ABCA2: variants seen among roughly 807,000 people sequenced by gnomAD.
ABCA2 encodes ATP-binding cassette sub-family A member 2.
Under a neutral mutation model 262.8 loss-of-function variants are expected in ABCA2, and 84 were observed. The ratio of observed to expected loss-of-function variants is 0.32; its 90% CI spans 0.27 to 0.38. The LOEUF (loss-of-function observed/expected upper bound fraction) is 0.38. ABCA2 is among the 10% of genes least tolerant of loss of function. The probability of loss-of-function intolerance (pLI) is 1.00; values close to 1 mark genes in which losing one functional copy is unlikely to be tolerated. For missense variants in ABCA2, 2,662 were observed against 3,405.9 expected, an observed-to-expected ratio of 0.78 and a Z score of 5.44; for synonymous variants, 1,696 against 1,502.9, an observed-to-expected ratio of 1.13 and a Z score of -2.97.
chr9:137,020,071 C>T, intron 10 of ABCA2: 1 of 509,402 alleles, frequency 2.0e-6, no homozygotes, highest in Non-Finnish European at 3.5e-6. Context: ...CCTCCTCCAC[C>T]AGCACTGCCC....
intron 13 of ABCA2, 115 bp from the exon 14 acceptor site, chr9:137,018,466 C>G (rs1831340417): frequency 3.9e-6 from 3 of 771,244 alleles, no homozygotes; most frequent in African/African-American, 5.5e-5. Context: ...ACAGGAGGGT[C>G]CAGGGAAAGG....
At position 137,011,786 on chromosome 9, in the gene ABCA2, C is replaced by T; in HGVS notation, c.5536-37G>A. On this transcript the variant is annotated intron_variant, in intron 35 of 48. Transcript: ENST00000341511. This position sits in a 1 kb window ranked among gnomAD's most constrained non-coding sequence, Gnocchi z 8.8. ...GGGGCGGCTGGTGAGAGACCCGGGG[C>T]AGGGCGGGGATGGGGGATGAGAAGG... 1 of 1,531,010 alleles carries T rather than the reference C, an allele frequency of 6.5e-7. No individual in the cohort carries two copies. Among genetic ancestry groups the T allele is most frequent in the African/African-American group, 1.4e-5 (1 of 72,026 alleles). The allele number at this position is 1,531,010 out of a possible 1,614,324, so 94.8% of individuals were successfully genotyped here.
At chr9:137,017,940 C>T in intron 15 of ABCA2, 33 bp downstream of exon 15, 1 of 1,611,974 alleles carries the variant, frequency 6.2e-7, no homozygotes. Flanking sequence ...TCAGCCCCAG[C>T]CCCAGCCCCA....
Position 137,028,220 on chromosome 9 carries a change from G to T in ABCA2, c.-80C>A. Reference sequence around the variant, plus strand: ...GCCGGGCCCCGCAGCCCGCCGCGCCGCTGGGCATCGCCCGCGCGGGGGCGG... The same window carrying T: ...GCCGGGCCCCGCAGCCCGCCGCGCCTCTGGGCATCGCCCGCGCGGGGGCGG... On this transcript the variant is annotated 5_prime_UTR_variant, in exon 1 of 49. Coordinates refer to ENST00000341511, the MANE Select transcript of ABCA2 (RefSeq NM_001606.5). The surrounding 1 kb of genome is among the most constrained non-coding windows in gnomAD (Gnocchi z 6.9). 2.0e-6 allele frequency: 2 copies of T among 978,176 alleles called. No homozygotes were observed. The highest frequency in any genetic ancestry group is 2.4e-6 in the Non-Finnish European group (2 of 827,014). 60.6% of individuals were successfully genotyped at this position (978,176 alleles called of 1,614,324 possible). A position where few individuals can be genotyped will look rare whatever the true frequency, so the allele number is the denominator to read the frequency against.
At chr9:137,010,455 C>G in intron 40 of ABCA2, 84 bp from the exon 41 acceptor site, 1 of 1,499,502 alleles carries the variant, frequency 6.7e-7, no homozygotes, top group Non-Finnish European at 9.0e-7. Context: ...CCTGCCCCAC[C>G]TCCAGAGCCC....
chr9:137,013,947 C>G lies in ABCA2; in HGVS notation c.4332G>C (p.Leu1444=). The G allele has an allele frequency of 1.2e-6, 2 of 1,612,180 alleles. No homozygotes were observed. The highest frequency in any genetic ancestry group is 1.1e-5 in the South Asian group (1 of 91,064). Residue 1444 remains leucine, a synonymous_variant, in exon 28 of 49, where the codon CTG becomes CTC. Coordinates refer to ENST00000341511, the MANE Select transcript of ABCA2 (RefSeq NM_001606.5). The part of the protein sequence containing the change: ...WLKVRQFHGL[L]VKRFHCARRN... ...GGCGGGCGCAGTGGAAGCGTTTGACCAGCAGCCCGTGGAACTGGCGCACCT... is the reference window on the plus strand; with the variant it reads ...GGCGGGCGCAGTGGAAGCGTTTGACGAGCAGCCCGTGGAACTGGCGCACCT...
chr9:137,014,641 T>G, intron 26 of ABCA2, 49 bp downstream of exon 26: 1 of 1,580,860 alleles, frequency 6.3e-7, no homozygotes, highest in Non-Finnish European at 8.6e-7. Context: ...AGGCCCGAGC[T>G]GGGGCCTTGT....
chr9:137,022,575 C>T, intron 5 of ABCA2, 97 bp from the exon 6 acceptor site: 1 of 1,562,402 alleles, frequency 6.4e-7, no homozygotes, highest in Non-Finnish European at 8.7e-7. Context: ...AGCTCTGCCA[C>T]TGCAGCCTGT....
Position 137,016,374 on chromosome 9 carries a change from GGCCA to G in ABCA2, c.3017_3020del (p.Leu1006ProfsTer2), listed in dbSNP as rs1564221658. 6.2e-7 allele frequency: 1 copy of G among 1,612,928 alleles called. No homozygotes were observed. The highest frequency in any genetic ancestry group is 8.5e-7 in the Non-Finnish European group (1 of 1,179,994). ...AGAGGTTCAGGCTCAGCTTGTTCAGGGCCAGCTTCTTGTCGTCCTTGTAGACCTT... is the reference window on the plus strand; with the variant it reads ...AGAGGTTCAGGCTCAGCTTGTTCAGGGCTTCTTGTCGTCCTTGTAGACCTT... On this transcript the variant is annotated frameshift_variant, in exon 21 of 49. Transcript: ENST00000341511. LOFTEE classifies it high-confidence loss of function.
At chr9:137,013,685 G>A in intron 28 of ABCA2, 122 bp from the exon 29 acceptor site, 1 of 1,354,662 alleles carries the variant, frequency 7.4e-7, no homozygotes, top group Non-Finnish European at 1.0e-6. Flanking sequence ...CGAGGAGACA[G>A]GACTCCCGGA....
intron 48 of ABCA2, 151 bp from the exon 49 acceptor site, chr9:137,008,115 G>T (rs1053249845): frequency 1.9e-6 from 2 of 1,037,626 alleles, no homozygotes; most frequent in Non-Finnish European, 1.4e-6. Flanking sequence ...GGGCTCTCCC[G>T]GGCCTCCGTC....
chr9:137,011,764 G>A lies in ABCA2; in HGVS notation c.5536-15C>T, dbSNP rs780432717. On this transcript the variant is annotated splice_polypyrimidine_tract_variant and intron_variant, in intron 35 of 48. Coordinates refer to ENST00000341511, the MANE Select transcript of ABCA2 (RefSeq NM_001606.5). The surrounding 1 kb of genome is among the most constrained non-coding windows in gnomAD (Gnocchi z 8.8). Reference sequence around the variant, plus strand: ...AGGTAGTTGAGCTGCAGGGGTGGGGGCGGCTGGTGAGAGACCCGGGGCAGG... The same window carrying A: ...AGGTAGTTGAGCTGCAGGGGTGGGGACGGCTGGTGAGAGACCCGGGGCAGG... The A allele has an allele frequency of 3.2e-6, 5 of 1,550,266 alleles. No individual in the cohort carries two copies. The highest frequency in any genetic ancestry group is 4.4e-6 in the Non-Finnish European group (5 of 1,147,288).
At chr9:137,022,118 A>C in intron 6 of ABCA2, 117 bp from the exon 7 acceptor site, 1 of 183,884 alleles carries the variant, frequency 5.4e-6, no homozygotes, top group Non-Finnish European at 8.5e-6. Flanking sequence ...CGTGGCTCAG[A>C]GAGTGGGGGC....
At chr9:137,025,883 A>G (rs561475165) in intron 1 of ABCA2, among the ~76,000 whole-genome samples, 14 of 152,294 alleles carry the variant, frequency 9.2e-5, no homozygotes, top group Non-Finnish European at 1.8e-4. Context: ...GCATCTGGTT[A>G]CAGGCGGCAG....
At position 137,028,213 on chromosome 9, in the gene ABCA2, C is replaced by A; in HGVS notation, c.-73G>T. On this transcript the variant is annotated 5_prime_UTR_variant, in exon 1 of 49. Transcript: ENST00000341511. The surrounding 1 kb of genome is among the most constrained non-coding windows in gnomAD (Gnocchi z 6.9). ...GCGCCCCGCCGGGCCCCGCAGCCCG[C>A]CGCGCCGCTGGGCATCGCCCGCGCG... The A allele has an allele frequency of 1.0e-6, 1 of 977,644 alleles. No homozygotes were observed. Among genetic ancestry groups the A allele is most frequent in the Non-Finnish European group, 1.2e-6 (1 of 825,598 alleles). The allele number at this position is 977,644 out of a possible 1,614,324, so 60.6% of individuals were successfully genotyped here. A position where few individuals can be genotyped will look rare whatever the true frequency, so the allele number is the denominator to read the frequency against.
intron 10 of ABCA2, 130 bp downstream of exon 10, chr9:137,020,206 C>A: frequency 8.0e-7 from 1 of 1,245,386 alleles, no homozygotes; most frequent in Middle Eastern, 2.7e-4. Context: ...GAGCCTGTGT[C>A]CCATCCGAAG....
In ABCA2 at chr9:137,018,325, C is replaced by T. The variant is rs771085790; in HGVS notation, c.1846G>A (p.Gly616Ser). ...ASVIFQTRKD[G>S]SLPPHVHYKI... ...TAGTGCACGTGAGGCGGGAGCGAGCCGTCCTTCCGGGTCTGGAAGATCACA... is the reference window on the plus strand; with the variant it reads ...TAGTGCACGTGAGGCGGGAGCGAGCTGTCCTTCCGGGTCTGGAAGATCACA... The change falls in exon 14 of 49, where the codon GGC (glycine) becomes AGC (serine). Residue 616 changes from glycine (G) to serine (S), a missense_variant. By Grantham distance (56) the Gly-to-Ser change is moderately conservative. Around this residue, in one of 12 missense-constraint regions of ABCA2, gnomAD observed 187 missense variants for 205.9 expected, o/e 0.91. Coordinates refer to ENST00000341511, the MANE Select transcript of ABCA2 (RefSeq NM_001606.5). 7 of 1,540,200 alleles carry T rather than the reference C, an allele frequency of 4.5e-6. No individual in the cohort carries two copies. Among genetic ancestry groups the T allele is most frequent in the Non-Finnish European group, 6.1e-6 (7 of 1,140,734 alleles).
chr9:137,014,839 G>A (rs372754604), intron 25 of ABCA2, 29 bp from the exon 26 acceptor site: 87 of 1,588,888 alleles, frequency 5.5e-5, no homozygotes, highest in Non-Finnish European at 6.9e-5. Context: ...GGGAGGCTGC[G>A]GCAGGGACGC....
At chr9:137,017,425 G>A (rs1831301802) in intron 17 of ABCA2, 77 bp downstream of exon 17, 7 of 1,600,976 alleles carry the variant, frequency 4.4e-6, no homozygotes, top group Non-Finnish European at 6.0e-6. Flanking sequence ...AGGGTCCAGG[G>A]GGCTCTGAGA....
Sources: gnomAD v4.1 joint callset for allele counts (sites outside exome capture counted in the v4.1 genomes callset) on GRCh38, gnomAD v4.1.1 for gene constraint, gnomAD v4.1.1 regional missense constraint, Gnocchi (gnomAD v3.1) non-coding constraint, MANE v1.5 for transcripts, NCBI Gene and HGNC (gene_info 2026-07-23, HGNC 2026-07-21) for gene names.